Variants in AAK1 observed in about 807,000 individuals in gnomAD.
AAK1 encodes AP2-associated protein kinase 1.
A neutral mutation model predicts 116.0 loss-of-function variants in AAK1; 37 were observed. The ratio of observed to expected loss-of-function variants is 0.32; its 90% CI spans 0.25 to 0.42. The LOEUF (loss-of-function observed/expected upper bound fraction) is 0.42, where lower values mean the gene tolerates loss of function less well. AAK1 is among the 10% of genes least tolerant of loss of function. The pLI is 1.00. For missense variants in AAK1, 919 were observed against 1,170.6 expected (o/e 0.79, Z 3.14); for synonymous variants, 458 against 439.9 (o/e 1.04, Z -0.51).
Position 69,468,213 on chromosome 2 carries a change from C to T in AAK1, c.*7656G>A. ...CAGTGGACAGGAAATAAACAGAATA[C>T]CTTCTTCCTTGCGATTTATGTGGAC... On this transcript the variant is annotated 3_prime_UTR_variant, in exon 22 of 22. Transcript: ENST00000409085. The T allele has an allele frequency of 1.0e-6, 1 of 985,374 alleles. No individual in the cohort carries two copies. Among genetic ancestry groups the T allele is most frequent in the Non-Finnish European group, 1.2e-6 (1 of 829,914 alleles). 61.0% of individuals were successfully genotyped at this position (985,374 alleles called of 1,614,324 possible). A position where few individuals can be genotyped will look rare whatever the true frequency, so the allele number is the denominator to read the frequency against.
chr2:69,570,465 A>G (rs1006405769), intron 2 of AAK1, among the ~76,000 whole-genome samples: 1 of 151,972 alleles, frequency 6.6e-6, no homozygotes, highest in Non-Finnish European at 1.5e-5. Context: ...TAATCTCTCC[A>G]CTAGACAGAC....
At chr2:69,624,340 GT>G (rs1674800995) in intron 2 of AAK1, among the ~76,000 whole-genome samples, 1 of 152,190 alleles carries the variant, frequency 6.6e-6, no homozygotes, top group Admixed American at 6.5e-5. Flanking sequence ...TAGGAAATTG[GT>G]TAAGTAAATT....
At chr2:69,621,943 G>A (rs183432090) in intron 2 of AAK1, among the ~76,000 whole-genome samples, 30 of 152,352 alleles carry the variant, frequency 2.0e-4, no homozygotes, top group African/African-American at 6.5e-4. Flanking sequence ...GCCCTCACTC[G>A]CTTTCGACGC....
chr2:69,589,966 T>A (rs1672959067), intron 2 of AAK1, among the ~76,000 whole-genome samples: 1 of 151,902 alleles, frequency 6.6e-6, no homozygotes, highest in African/African-American at 2.4e-5. Context: ...GTCCAACTGG[T>A]TCTGATTAAA....
intron 11 of AAK1, 84 bp from the exon 12 acceptor site, chr2:69,519,324 G>C (rs749895800): frequency 2.4e-5 from 35 of 1,455,032 alleles, no homozygotes; most frequent in Middle Eastern, 1.8e-4. Flanking sequence ...CAACTAATAG[G>C]GGGTGACAAG....
At chr2:69,634,332 A>G (rs895295298) in intron 2 of AAK1, among the ~76,000 whole-genome samples, 19 of 152,166 alleles carry the variant, frequency 1.2e-4, no homozygotes, top group Non-Finnish European at 2.8e-4. Context: ...CATTCAACCA[A>G]TGTCAGCCAC....
intron 3 of AAK1, among the ~76,000 whole-genome samples, chr2:69,546,109 TC>T (rs201572076): frequency 1.5e-4 from 22 of 151,242 alleles, no homozygotes; most frequent in East Asian, 9.7e-4. Flanking sequence ...TTTTTTTTTT[TC>T]CCCCTGGCAA....
rs115064978 is a variant in AAK1 at position 69,521,280 on chromosome 2, A to G, written c.1056-292T>C. On this transcript the variant is annotated intron_variant, in intron 10 of 21. Transcript: ENST00000409085. ...GACAATCTCAAAAAGAATGCTATAT[A>G]GTATTCTCTTTGCATTCTCAAGCTT... is the stretch of plus-strand genomic sequence containing the variant. Among the ~76,000 whole-genome samples the G allele has an allele frequency of 8.8e-3, 1,341 of 152,338 alleles. 15 individuals carry two copies. The highest frequency in any genetic ancestry group is 0.03 in the African/African-American group (1,268 of 41,584).
At position 69,546,098 on chromosome 2, in the gene AAK1, CT is replaced by C. The variant is rs1057245012; in HGVS notation, c.283-1555del. Among the ~76,000 whole-genome samples, 227 of 147,696 alleles carry C rather than the reference CT, an allele frequency of 1.5e-3. 5 individuals are homozygous for C. The South Asian group carries it at 0.019, about 12-fold the overall frequency. On this transcript the variant is annotated intron_variant, in intron 3 of 21. Coordinates refer to ENST00000409085, the MANE Select transcript of AAK1 (RefSeq NM_014911.5). Reference sequence around the variant, plus strand: ...GTTCAAGGGACTGGTCTTAGGGTAACTTTTTTTTTTTCCCCCTGGCAAGCAG... The same window carrying C: ...GTTCAAGGGACTGGTCTTAGGGTAACTTTTTTTTTTCCCCCTGGCAAGCAG...
intron 2 of AAK1, among the ~76,000 whole-genome samples, chr2:69,628,967 A>G (rs1384807890): frequency 1.3e-5 from 2 of 152,192 alleles, no homozygotes; most frequent in Non-Finnish European, 2.9e-5. Context: ...CTCTAGACTC[A>G]TTTTATAACT....
chr2:69,555,897 AAAAG>A (rs1328240625), intron 3 of AAK1, among the ~76,000 whole-genome samples: 2 of 151,862 alleles, frequency 1.3e-5, no homozygotes, highest in East Asian at 3.9e-4. Flanking sequence ...AAACAGAGGT[AAAAG>A]AAAGATGCTA....
At chr2:69,576,760 C>T (rs890148820) in intron 2 of AAK1, among the ~76,000 whole-genome samples, 6 of 152,084 alleles carry the variant, frequency 3.9e-5, no homozygotes, top group African/African-American at 1.4e-4. Context: ...GTGGCATTTC[C>T]GTATATGCCT....
intron 2 of AAK1, among the ~76,000 whole-genome samples, chr2:69,604,466 C>T (rs762289907): frequency 1.3e-5 from 2 of 152,168 alleles, no homozygotes; most frequent in African/African-American, 4.8e-5. Flanking sequence ...CTCTAGGGCA[C>T]GACACCTCCA....
rs532391623 is a variant in AAK1 at position 69,544,325 on chromosome 2, A to G, written c.391+111T>C. 9.3e-5 allele frequency: 74 copies of G among 798,862 alleles called. 1 individual carries two copies. The highest frequency in any genetic ancestry group is 1.3e-4 in the Non-Finnish European group (65 of 483,686). 49.5% of individuals were successfully genotyped at this position (798,862 alleles called of 1,614,324 possible). A position where few individuals can be genotyped will look rare whatever the true frequency, so the allele number is the denominator to read the frequency against. ...TATCTTTTAGTTTTCTCATCTGTCA[A>G]ACCAGAACATATCATAGAGTGCAGT... On this transcript the variant is annotated intron_variant, in intron 4 of 21. Coordinates refer to ENST00000409085, the MANE Select transcript of AAK1 (RefSeq NM_014911.5).
At position 69,465,539 on chromosome 2, in the gene AAK1, C is replaced by A; in HGVS notation, c.*10330G>T. ...TGATAGAAACAGACCCAGCTATCGA[C>A]TGCTTGTTGGTTTGTGAAACAATTT... On this transcript the variant is annotated 3_prime_UTR_variant, in exon 22 of 22. Transcript: ENST00000409085. 7.7e-7 allele frequency: 1 copy of A among 1,290,960 alleles called. No individual in the cohort carries two copies. Among genetic ancestry groups the A allele is most frequent in the Middle Eastern group, 2.1e-4 (1 of 4,696 alleles). The allele number at this position is 1,290,960 out of a possible 1,614,324, so 80.0% of individuals were successfully genotyped here.
intron 6 of AAK1, 126 bp from the exon 7 acceptor site, chr2:69,530,832 A>T: frequency 1.5e-6 from 1 of 671,922 alleles, no homozygotes; most frequent in Non-Finnish European, 2.5e-6. Flanking sequence ...AGAAGAGAGT[A>T]TGAAATATTA....
rs1674691000 is a variant in AAK1, at chr2:69,471,779, C to A, written c.*4090G>T. On this transcript the variant is annotated 3_prime_UTR_variant, in exon 22 of 22. Transcript: ENST00000409085. ...TCATAGGCTGTCAGCCCCAAAGATCCCTTCATTCCCACAGCACTGCTGAAG... is the reference window on the plus strand; with the variant it reads ...TCATAGGCTGTCAGCCCCAAAGATCACTTCATTCCCACAGCACTGCTGAAG... 2.0e-6 allele frequency: 2 copies of A among 985,324 alleles called. No individual in the cohort carries two copies. The highest frequency in any genetic ancestry group is 9.4e-5 in the South Asian group (2 of 21,286). The allele number at this position is 985,324 out of a possible 1,614,324, so 61.0% of individuals were successfully genotyped here. A position where few individuals can be genotyped will look rare whatever the true frequency, so the allele number is the denominator to read the frequency against.
chr2:69,515,472 C>T (rs1028004776), intron 12 of AAK1, among the ~76,000 whole-genome samples: 2 of 152,024 alleles, frequency 1.3e-5, no homozygotes, highest in Non-Finnish European at 2.9e-5. Flanking sequence ...ATCACAGGTG[C>T]ACACTACCAT....
At chr2:69,641,626 T>C (rs1476249481) in intron 2 of AAK1, among the ~76,000 whole-genome samples, 1 of 152,192 alleles carries the variant, frequency 6.6e-6, no homozygotes, top group Admixed American at 6.5e-5. Flanking sequence ...CTGAATCCAG[T>C]GCTTACACAA....
Sources: gnomAD v4.1 joint callset for allele counts (sites outside exome capture counted in the v4.1 genomes callset) on GRCh38, gnomAD v4.1.1 for gene constraint, MANE v1.5 for transcripts, NCBI Gene and HGNC (gene_info 2026-07-23, HGNC 2026-07-21) for gene names.